The following MCTP1 variants were observed in gnomAD, a reference collection of about 807,000 sequenced individuals.
MCTP1 encodes multiple C2 and transmembrane domain-containing protein 1.
A neutral mutation model predicts 120.6 loss-of-function variants in MCTP1; 69 were observed. That is an observed-to-expected ratio of 0.57 (90% CI 0.47 to 0.70). MCTP1 has a LOEUF of 0.70. MCTP1 is among the 30% of genes least tolerant of loss of function. MCTP1 has a pLI of 0.00. For synonymous variants in MCTP1, 529 were observed against 493.1 expected, an observed-to-expected ratio of 1.07 and a Z score of -0.96; for missense variants, 1,203 against 1,248.8, an observed-to-expected ratio of 0.96 and a Z score of 0.55.
chr5:94,776,847 AT>A (rs527438028), intron 19 of MCTP1, among the ~76,000 whole-genome samples: 269 of 152,290 alleles, frequency 1.8e-3, no homozygotes, highest in Middle Eastern at 6.8e-3. Context: ...AAGACGTAAC[AT>A]TTACCGCTGT....
intron 1 of MCTP1, among the ~76,000 whole-genome samples, chr5:95,127,721 C>A (rs891677614): frequency 6.6e-5 from 10 of 152,090 alleles, no homozygotes; most frequent in African/African-American, 9.7e-5. Context: ...GACTCCAACC[C>A]GTACTGTAAA....
intron 10 of MCTP1, among the ~76,000 whole-genome samples, chr5:94,895,895 T>C (rs1190973805): frequency 6.6e-6 from 1 of 152,138 alleles, no homozygotes; most frequent in South Asian, 2.1e-4. Flanking sequence ...AAGAGGAATA[T>C]TGATGTAAGA....
At chr5:95,108,804 A>G (rs1298316125) in intron 1 of MCTP1, among the ~76,000 whole-genome samples, 1 of 152,208 alleles carries the variant, frequency 6.6e-6, no homozygotes, top group East Asian at 1.9e-4. Flanking sequence ...AATGGGTTGA[A>G]AGAAATCCAA....
At chr5:94,959,527 T>C (rs1823592136) in intron 2 of MCTP1, among the ~76,000 whole-genome samples, 1 of 152,180 alleles carries the variant, frequency 6.6e-6, no homozygotes, top group Non-Finnish European at 1.5e-5. Context: ...AACCCCGTTG[T>C]CTCAGCCCAA....
At chr5:95,110,441 G>A (rs1438935056) in intron 1 of MCTP1, among the ~76,000 whole-genome samples, 1 of 152,070 alleles carries the variant, frequency 6.6e-6, no homozygotes, top group African/African-American at 2.4e-5. Context: ...AAGACTCCAA[G>A]ATATCTAGTA....
intron 1 of MCTP1, among the ~76,000 whole-genome samples, chr5:95,206,603 C>T (rs767944207): frequency 1.1e-4 from 16 of 152,228 alleles, no homozygotes; most frequent in Non-Finnish European, 1.8e-4. Context: ...GGCATGATCT[C>T]GGCTCACTAC....
At chr5:95,222,532 T>G (rs1307078735) in intron 1 of MCTP1, among the ~76,000 whole-genome samples, 1 of 152,252 alleles carries the variant, frequency 6.6e-6, no homozygotes, top group South Asian at 2.1e-4. Flanking sequence ...TTACTTGAGT[T>G]TGATATCTGA....
At chr5:95,272,666 G>C (rs894460652) in intron 1 of MCTP1, among the ~76,000 whole-genome samples, 2 of 152,210 alleles carry the variant, frequency 1.3e-5, no homozygotes, top group Non-Finnish European at 1.5e-5. Flanking sequence ...CAGAGGCAGA[G>C]AGCATGAGGC....
intron 17 of MCTP1, among the ~76,000 whole-genome samples, chr5:94,837,169 C>T (rs559136051): frequency 1.3e-5 from 2 of 152,072 alleles, no homozygotes; most frequent in East Asian, 1.9e-4. Context: ...CTTGAGAACA[C>T]GAGTTCCAGA....
intron 17 of MCTP1, among the ~76,000 whole-genome samples, chr5:94,837,247 G>A (rs1649521057): frequency 6.6e-6 from 1 of 152,104 alleles, no homozygotes; most frequent in Non-Finnish European, 1.5e-5. Flanking sequence ...AGGGCATGGT[G>A]GTGCACACCT....
At position 94,705,978 on chromosome 5, in the gene MCTP1, C is replaced by G. The variant is rs907155928; in HGVS notation, c.*1518G>C. ...AGTATATAAACAGATCAAAATAGTT[C>G]TATTATAAGAAATAGTATTTAACAA... On this transcript the variant is annotated 3_prime_UTR_variant, in exon 23 of 23. Transcript: ENST00000515393. The G allele has an allele frequency of 6.6e-6, 1 of 151,394 alleles. No individual in the cohort carries two copies. Among genetic ancestry groups the G allele is most frequent in the African/African-American group, 2.4e-5 (1 of 41,284 alleles). The allele number at this position is 151,394 out of a possible 1,614,324, so 9.4% of individuals were successfully genotyped here.
At chr5:94,866,615 G>A (rs956619125) in intron 17 of MCTP1, among the ~76,000 whole-genome samples, 1 of 148,754 alleles carries the variant, frequency 6.7e-6, no homozygotes, top group African/African-American at 2.5e-5. Flanking sequence ...ATCAGACACT[G>A]ACTACCAGCT....
chr5:95,113,620 C>T (rs983786208), intron 1 of MCTP1, among the ~76,000 whole-genome samples: 2 of 152,194 alleles, frequency 1.3e-5, no homozygotes, highest in African/African-American at 2.4e-5. Context: ...GAATTGTCCT[C>T]CCAGTGGTTG....
At chr5:95,207,803 T>C (rs1751793028) in intron 1 of MCTP1, among the ~76,000 whole-genome samples, 2 of 151,510 alleles carry the variant, frequency 1.3e-5, no homozygotes, top group Admixed American at 6.6e-5. Context: ...AAAACAGGAA[T>C]GAAAGTTTAA....
At chr5:94,937,523 T>C (rs1403902944) in intron 5 of MCTP1, among the ~76,000 whole-genome samples, 1 of 152,218 alleles carries the variant, frequency 6.6e-6, no homozygotes, top group East Asian at 1.9e-4. Context: ...TATTTGTGTT[T>C]GATAACTTAC....
chr5:95,238,933 A>G (rs1278481841), intron 1 of MCTP1, among the ~76,000 whole-genome samples: 2 of 152,164 alleles, frequency 1.3e-5, no homozygotes, highest in African/African-American at 4.8e-5. Flanking sequence ...CTGGGGAGAG[A>G]TGAATGGCAT....
intron 2 of MCTP1, among the ~76,000 whole-genome samples, chr5:94,983,452 A>G (rs75258825): frequency 1.5e-3 from 221 of 152,328 alleles, no homozygotes; most frequent in African/African-American, 5.2e-3. Flanking sequence ...TTTCTTTCTT[A>G]TAAATGGTAT....
intron 1 of MCTP1, among the ~76,000 whole-genome samples, chr5:95,099,531 A>G: frequency 6.6e-6 from 1 of 151,566 alleles, no homozygotes; most frequent in East Asian, 1.9e-4. Flanking sequence ...AATGCTCGCC[A>G]TCACTGGCCA....
intron 18 of MCTP1, among the ~76,000 whole-genome samples, chr5:94,784,086 TAAAGA>T (rs1777119480): frequency 6.6e-6 from 1 of 152,096 alleles, no homozygotes; most frequent in African/African-American, 2.4e-5. Flanking sequence ...GTTAAAATAT[TAAAGA>T]AAACTGACAC....
Sources: gnomAD v4.1 joint callset for allele counts (sites outside exome capture counted in the v4.1 genomes callset) on GRCh38, gnomAD v4.1.1 for gene constraint, MANE v1.5 for transcripts, NCBI Gene and HGNC (gene_info 2026-07-23, HGNC 2026-07-21) for gene names.